The following NUMB variants were observed in gnomAD, a reference collection of about 807,000 sequenced individuals.
NUMB encodes NUMB endocytic adaptor protein.
Under a neutral mutation model 59.7 loss-of-function variants are expected in NUMB, and 29 were observed. The observed-to-expected ratio is 0.49, with a 90% CI of 0.36 to 0.66. NUMB has a LOEUF of 0.66. NUMB is among the 30% of genes least tolerant of loss of function. NUMB has a pLI of 0.00. For missense variants in NUMB, 723 were observed against 822.0 expected, an observed-to-expected ratio of 0.88 and a Z score of 1.47; for synonymous variants, 288 against 288.2, an observed-to-expected ratio of 1.00 and a Z score of 0.01.
chr14:73,357,734 G>T (rs1320224414), intron 3 of NUMB, among the ~76,000 whole-genome samples: 1 of 152,122 alleles, frequency 6.6e-6, no homozygotes, highest in African/African-American at 2.4e-5. Flanking sequence ...CTGCACTCCA[G>T]CCTGGGCAAC....
intron 8 of NUMB, among the ~76,000 whole-genome samples, chr14:73,288,778 G>A (rs911228053): frequency 2.6e-5 from 4 of 151,654 alleles, no homozygotes; most frequent in African/African-American, 9.7e-5. Flanking sequence ...AGAATCACTT[G>A]AACCCAGGAG....
chr14:73,428,666 C>T (rs1897688554), intron 1 of NUMB, among the ~76,000 whole-genome samples: 1 of 152,036 alleles, frequency 6.6e-6, no homozygotes, highest in Non-Finnish European at 1.5e-5. Context: ...TGGTGCATGC[C>T]TGAGTCCCAG....
intron 5 of NUMB, among the ~76,000 whole-genome samples, chr14:73,320,857 T>G (rs1344405473): frequency 6.7e-6 from 1 of 148,958 alleles, no homozygotes; most frequent in Non-Finnish European, 1.5e-5. Context: ...ACGCCTATTA[T>G]CTTCTTGGTT....
intron 2 of NUMB, among the ~76,000 whole-genome samples, chr14:73,380,682 T>C (rs1479492790): frequency 1.3e-5 from 2 of 151,886 alleles, no homozygotes; most frequent in African/African-American, 2.4e-5. Context: ...TGTATGATAA[T>C]ACTAATAAGC....
chr14:73,384,733 T>TG (rs1895413291), intron 2 of NUMB, among the ~76,000 whole-genome samples: 5 of 84,008 alleles, frequency 6.0e-5, no homozygotes, highest in African/African-American at 2.9e-4. Flanking sequence ...ACGCCTGGCT[T>TG]TTTTGTTTGT....
At chr14:73,277,422 G>C (rs916690753) in intron 12 of NUMB, 129 bp from the exon 13 acceptor site, 1 of 744,442 alleles carries the variant, frequency 1.3e-6, no homozygotes, top group Non-Finnish European at 2.1e-6. Context: ...TTGTGGTTTT[G>C]ATAGGTAGGA....
intron 2 of NUMB, among the ~76,000 whole-genome samples, chr14:73,389,617 G>A (rs756623480): frequency 1.3e-5 from 2 of 152,090 alleles, no homozygotes; most frequent in Non-Finnish European, 2.9e-5. Context: ...CCTCCAAAGT[G>A]CTGGGATTAT....
intron 10 of NUMB, 55 bp from the exon 11 acceptor site, chr14:73,282,560 T>G (rs1409584417): frequency 6.3e-7 from 1 of 1,582,180 alleles, no homozygotes; most frequent in Non-Finnish European, 8.6e-7. Context: ...ATCCTGAAAT[T>G]TGACAGTATG....
intron 2 of NUMB, among the ~76,000 whole-genome samples, chr14:73,375,811 A>T (rs1894918305): frequency 6.6e-6 from 1 of 152,232 alleles, no homozygotes; most frequent in Admixed American, 6.5e-5. Flanking sequence ...CAAAAATCAC[A>T]TGATCATCTC....
chr14:73,373,480 G>T (rs1327259794), intron 2 of NUMB, among the ~76,000 whole-genome samples: 1 of 152,122 alleles, frequency 6.6e-6, no homozygotes, highest in Non-Finnish European at 1.5e-5. Context: ...ACTGTTCTTG[G>T]TGCTTAGGAT....
At chr14:73,343,167 C>G (rs1892730426) in intron 4 of NUMB, among the ~76,000 whole-genome samples, 1 of 152,036 alleles carries the variant, frequency 6.6e-6, no homozygotes, top group African/African-American at 2.4e-5. Context: ...AGATACCAGT[C>G]TAGGATTTTA....
chr14:73,393,491 T>C lies in NUMB; in HGVS notation c.-101+16446A>G, dbSNP rs79912009. 6.9e-3 allele frequency among the ~76,000 whole-genome samples: 1,049 copies of C among 152,314 alleles called. 5 individuals are homozygous for C. The highest frequency in any genetic ancestry group is 0.03 in the South Asian group (143 of 4,828). On this transcript the variant is annotated intron_variant, in intron 2 of 12. Transcript: ENST00000555238. ...TCTAAGGCTGTATAAATCTGGAAGATTGGCAATTTGACAGACTCTAATGCC... is the reference window on the plus strand; with the variant it reads ...TCTAAGGCTGTATAAATCTGGAAGACTGGCAATTTGACAGACTCTAATGCC...
At chr14:73,350,046 T>C (rs994370962) in intron 4 of NUMB, among the ~76,000 whole-genome samples, 1 of 137,456 alleles carries the variant, frequency 7.3e-6, no homozygotes, top group Non-Finnish European at 1.5e-5. Context: ...CTGTCTCACA[T>C]ACATACATAC....
chr14:73,426,286 A>G (rs1461301800), intron 1 of NUMB, among the ~76,000 whole-genome samples: 1 of 152,228 alleles, frequency 6.6e-6, no homozygotes, highest in Non-Finnish European at 1.5e-5. Context: ...CCAGGCATTG[A>G]TAAGTAATAC....
rs75236173 is a variant in NUMB, at chr14:73,276,179, A to T, written c.*399T>A. On this transcript the variant is annotated 3_prime_UTR_variant, in exon 13 of 13. Transcript: ENST00000555238. Reference sequence around the variant, plus strand: ...TGATCTCTAATACAGGCCACTACTGACAGGAGGCAGGTGAATGGCCTGAAA... The same window carrying T: ...TGATCTCTAATACAGGCCACTACTGTCAGGAGGCAGGTGAATGGCCTGAAA... 1,547 of 182,670 alleles carry T rather than the reference A, an allele frequency of 8.5e-3. 169 individuals are homozygous for T. In the East Asian group the frequency reaches 0.2, roughly 24 times the overall value. 11.3% of individuals were successfully genotyped at this position (182,670 alleles called of 1,614,324 possible).
chr14:73,389,098 T>TAG (rs1268603419), intron 2 of NUMB, among the ~76,000 whole-genome samples: 1 of 95,756 alleles, frequency 1.0e-5, no homozygotes, highest in Non-Finnish European at 2.0e-5. Flanking sequence ...GACTCTGCCT[T>TAG]AAAAAAAAAA....
At position 73,428,470 on chromosome 14, in the gene NUMB, T is replaced by C. The variant is rs553905415; in HGVS notation, c.-232-18402A>G. Among the ~76,000 whole-genome samples the C allele has an allele frequency of 1.2e-4, 19 of 152,200 alleles. No homozygotes were observed. In the South Asian group the frequency reaches 3.9e-3, roughly 32 times the overall value. ...ACTCTACCAGTGAGGTCCACCACCT[T>C]CTCTCCTCCCAAAGTCACATAAGCA... On this transcript the variant is annotated intron_variant, in intron 1 of 12. Coordinates refer to ENST00000555238, the MANE Select transcript of NUMB (RefSeq NM_001005743.2).
At chr14:73,361,624 C>T (rs1894100487) in intron 3 of NUMB, among the ~76,000 whole-genome samples, 1 of 152,108 alleles carries the variant, frequency 6.6e-6, no homozygotes, top group Non-Finnish European at 1.5e-5. Flanking sequence ...ACCCTCCCCA[C>T]TCAAGTAGAC....
intron 2 of NUMB, among the ~76,000 whole-genome samples, chr14:73,401,745 A>G (rs1235629387): frequency 6.6e-6 from 1 of 151,526 alleles, no homozygotes; most frequent in Non-Finnish European, 1.5e-5. Context: ...AATTTTCTGT[A>G]TTTTTAGTAG....
Sources: allele counts gnomAD v4.1 joint callset (sites outside exome capture counted in the v4.1 genomes callset), GRCh38; gene constraint gnomAD v4.1.1; transcripts MANE v1.5; gene names NCBI Gene and HGNC (gene_info 2026-07-23, HGNC 2026-07-21).